The following MYO5C variants were observed in gnomAD, a reference collection of about 807,000 sequenced individuals.
The protein encoded by MYO5C is myosin VC.
MYO5C carries 194 observed loss-of-function variants against 235.7 expected under a neutral mutation model. The observed-to-expected ratio is 0.82, with a 90% CI of 0.73 to 0.93. The LOEUF (loss-of-function observed/expected upper bound fraction) is 0.93. Among genes scored for constraint, MYO5C ranks in the 40% least tolerant of loss-of-function variants. The probability of loss-of-function intolerance (pLI) is 0.00; values close to 1 mark genes in which losing one functional copy is unlikely to be tolerated. For missense variants in MYO5C, 2,038 were observed against 2,127.2 expected (o/e 0.96, Z 0.82); for synonymous variants, 707 against 754.8 (o/e 0.94, Z 1.04).
intron 11 of MYO5C, among the ~76,000 whole-genome samples, chr15:52,255,634 A>C (rs771169562): frequency 3.9e-5 from 6 of 152,248 alleles, no homozygotes; most frequent in Non-Finnish European, 8.8e-5. Flanking sequence ...AGGAGCAGAA[A>C]GGCGTCAGTA....
intron 38 of MYO5C, among the ~76,000 whole-genome samples, chr15:52,198,481 G>T (rs2035105984): frequency 6.6e-6 from 1 of 152,166 alleles, no homozygotes; most frequent in African/African-American, 2.4e-5. Context: ...TCTTGGGTTG[G>T]TTCTCACTAT....
At chr15:52,287,020 A>C (rs1278386457) in intron 1 of MYO5C, among the ~76,000 whole-genome samples, 1 of 152,122 alleles carries the variant, frequency 6.6e-6, no homozygotes, top group Non-Finnish European at 1.5e-5. Context: ...AGTTACAAGT[A>C]CTAGACTAGG....
rs771056878 is a variant in MYO5C at position 52,235,654 on chromosome 15, GC to G, written c.2962+15del. 2.5e-6 allele frequency: 4 copies of G among 1,581,264 alleles called. No individual in the cohort carries two copies. Among genetic ancestry groups the G allele is most frequent in the Admixed American group, 1.7e-5 (1 of 57,222 alleles). On this transcript the variant is annotated intron_variant, in intron 23 of 40. Coordinates refer to ENST00000261839, the MANE Select transcript of MYO5C (RefSeq NM_018728.4). ...TAAATCAGTGAATGTCTGGATTTGT[GC>G]CCCCCAAGCTTTACCTTTTAACTCT...
At chr15:52,233,084 C>T (rs1378026163) in intron 23 of MYO5C, among the ~76,000 whole-genome samples, 1 of 15,638 alleles carries the variant, frequency 6.4e-5, no homozygotes, top group African/African-American at 9.4e-5. Context: ...TCAAGACCAT[C>T]CCGGCTAAAA....
At chr15:52,292,744 GA>G (rs1369557357) in intron 1 of MYO5C, among the ~76,000 whole-genome samples, 2 of 152,248 alleles carry the variant, frequency 1.3e-5, no homozygotes, top group Non-Finnish European at 2.9e-5. Flanking sequence ...AGGCAATATG[GA>G]AGGCACCGTG....
chr15:52,228,175 G>A (rs1200140058), intron 25 of MYO5C, among the ~76,000 whole-genome samples: 3 of 150,592 alleles, frequency 2.0e-5, no homozygotes, highest in East Asian at 1.9e-4. Flanking sequence ...ACGGAGTCTC[G>A]GTCTGTCACC....
chr15:52,239,401 C>G (rs1265000711), intron 21 of MYO5C, among the ~76,000 whole-genome samples: 8 of 152,212 alleles, frequency 5.3e-5, no homozygotes, highest in African/African-American at 1.7e-4. Context: ...GCTTGGCATG[C>G]GGACAGCATC....
chr15:52,246,989 A>G lies in MYO5C; in HGVS notation c.1907T>C (p.Met636Thr), dbSNP rs769076104. The G allele has an allele frequency of 1.9e-6, 3 of 1,614,120 alleles. No homozygotes were observed. The highest frequency in any genetic ancestry group is 1.1e-5 in the South Asian group (1 of 91,058). ...SKFRSSLYLL[M>T]ETLNATTPHY... ...GGGCGTCGTCGCATTGAGGGTCTCC[A>G]TGAGCAAGTACAGAGAGCTGCGGAA... Residue 636 changes from methionine to threonine, a missense_variant, in exon 16 of 41, where the codon ATG (methionine) becomes ACG (threonine). Transcript: ENST00000261839.
intron 13 of MYO5C, among the ~76,000 whole-genome samples, chr15:52,249,168 C>T (rs924016320): frequency 3.3e-5 from 5 of 152,320 alleles, no homozygotes; most frequent in East Asian, 3.9e-4. Context: ...AAACAGACAT[C>T]GTTTCCTAAA....
rs147457295 is a variant in MYO5C at position 52,223,566 on chromosome 15, G to T, written c.3605C>A (p.Thr1202Asn). Residue 1202 changes from threonine to asparagine, a missense_variant, in exon 29 of 41, where the codon ACC (threonine) becomes AAC (asparagine). By Grantham distance (65) the Thr-to-Asn change is moderately conservative (BLOSUM62 0). Transcript: ENST00000261839. ...TACCATGTTCTCTGATGTTAGCCTG[G>T]TAACTTCATGACGGATGCTTTCATT... ...DINESIRHEVTRLTSENMMIP... is the reference protein window; with the variant it reads ...DINESIRHEVNRLTSENMMIP... The T allele has an allele frequency of 5.9e-4, 957 of 1,613,938 alleles. 5 individuals carry two copies. The African/African-American group carries it at 0.011, about 18-fold the overall frequency.
intron 9 of MYO5C, among the ~76,000 whole-genome samples, chr15:52,261,555 C>A (rs1232465720): frequency 6.6e-6 from 1 of 152,204 alleles, no homozygotes; most frequent in Non-Finnish European, 1.5e-5. Flanking sequence ...CTCGTGTGGC[C>A]AGGGGTTTGC....
intron 23 of MYO5C, among the ~76,000 whole-genome samples, chr15:52,234,056 C>T (rs946377419): frequency 1.3e-5 from 2 of 152,310 alleles, no homozygotes; most frequent in African/African-American, 4.8e-5. Context: ...TAGAAGCCAA[C>T]ACGTTTTATA....
At chr15:52,194,292 A>G (rs2034998429) in intron 40 of MYO5C, among the ~76,000 whole-genome samples, 1 of 152,236 alleles carries the variant, frequency 6.6e-6, no homozygotes, top group South Asian at 2.1e-4. Context: ...TTAATTTCCC[A>G]TGGGATGAGT....
chr15:52,230,968 C>T (rs2035939596), intron 24 of MYO5C, among the ~76,000 whole-genome samples: 1 of 151,724 alleles, frequency 6.6e-6, no homozygotes, highest in Non-Finnish European at 1.5e-5. Flanking sequence ...GCTGGGATTA[C>T]AGGCATCTGC....
chr15:52,194,611 CAT>C (rs972021125), intron 40 of MYO5C, among the ~76,000 whole-genome samples: 11 of 152,164 alleles, frequency 7.2e-5, no homozygotes, highest in South Asian at 4.1e-4. Flanking sequence ...AAGCTCTACA[CAT>C]GTTAAACATA....
intron 8 of MYO5C, chr15:52,265,256 AGG>A (rs2036780400): frequency 6.6e-6 from 1 of 152,324 alleles, no homozygotes; most frequent in Non-Finnish European, 1.5e-5. Flanking sequence ...GCTGCTAGAA[AGG>A]ACTGTGTTCA....
intron 40 of MYO5C, 42 bp from the exon 41 acceptor site, chr15:52,194,096 ATGTTC>A: frequency 3.8e-6 from 6 of 1,596,094 alleles, no homozygotes; most frequent in Non-Finnish European, 5.1e-6. Context: ...GGAAACTAAC[ATGTTC>A]TGCTTTACTG....
chr15:52,197,983 T>C (rs1457241009), intron 38 of MYO5C, among the ~76,000 whole-genome samples: 1 of 152,146 alleles, frequency 6.6e-6, no homozygotes, highest in Non-Finnish European at 1.5e-5. Flanking sequence ...ATAAATTACA[T>C]ACCAATGAAA....
At position 52,225,543 on chromosome 15, in the gene MYO5C, G is replaced by A; in HGVS notation, c.3208-11C>T. 2 of 1,585,860 alleles carry A rather than the reference G, an allele frequency of 1.3e-6. No homozygotes were observed. The highest frequency in any genetic ancestry group is 1.3e-5 in the African/African-American group (1 of 74,544). On this transcript the variant is annotated splice_polypyrimidine_tract_variant and intron_variant, in intron 25 of 40. Coordinates refer to ENST00000261839, the MANE Select transcript of MYO5C (RefSeq NM_018728.4). ...GAACTCAGAGATTGTCTGAATCACA[G>A]CAATGACGGAATCAGGTAAAGAAAA...
Sources: gnomAD v4.1 joint callset for allele counts (sites outside exome capture counted in the v4.1 genomes callset) on GRCh38, gnomAD v4.1.1 for gene constraint, MANE v1.5 for transcripts, NCBI Gene and HGNC (gene_info 2026-07-23, HGNC 2026-07-21) for gene names.